BABAM2: variants seen among roughly 807,000 people sequenced by gnomAD.
BABAM2 encodes BRISC and BRCA1 A complex member 2.
A neutral mutation model predicts 54.7 loss-of-function variants in BABAM2; 31 were observed. The observed-to-expected ratio is 0.57, with a 90% CI of 0.43 to 0.77. BABAM2 has a LOEUF of 0.77. Ranked by LOEUF, BABAM2 falls within the 30% of genes least tolerant of loss-of-function variation. The pLI is 0.00. For missense variants in BABAM2, 364 were observed against 455.8 expected, an observed-to-expected ratio of 0.80 and a Z score of 1.83; for synonymous variants, 167 against 162.9, an observed-to-expected ratio of 1.03 and a Z score of -0.19.
At chr2:28,277,733 T>G (rs1240427760) in intron 10 of BABAM2, among the ~76,000 whole-genome samples, 1 of 152,190 alleles carries the variant, frequency 6.6e-6, no homozygotes, top group Non-Finnish European at 1.5e-5. Context: ...CTGGTCCTAT[T>G]GTTAAGGAGA....
At chr2:28,207,400 A>G (rs1678979803) in intron 7 of BABAM2, among the ~76,000 whole-genome samples, 1 of 151,938 alleles carries the variant, frequency 6.6e-6, no homozygotes, top group Admixed American at 6.6e-5. Flanking sequence ...AGCAGCAACA[A>G]CAACAACAAC....
intron 10 of BABAM2, among the ~76,000 whole-genome samples, chr2:28,291,831 C>T (rs765780017): frequency 5.9e-5 from 9 of 152,150 alleles, no homozygotes; most frequent in Non-Finnish European, 1.2e-4. Context: ...GTTAATTTTC[C>T]AGTGGTTGGA....
chr2:28,272,842 A>G (rs745316531), intron 10 of BABAM2, among the ~76,000 whole-genome samples: 28 of 152,054 alleles, frequency 1.8e-4, no homozygotes, highest in Non-Finnish European at 1.2e-4. Context: ...GGAGCTGGGG[A>G]AGGCTTGACA....
chr2:28,294,108 T>C (rs1037068272), intron 10 of BABAM2, among the ~76,000 whole-genome samples: 1 of 152,076 alleles, frequency 6.6e-6, no homozygotes, highest in Non-Finnish European at 1.5e-5. Flanking sequence ...TGGCCAGGCA[T>C]GGTGGCTCAT....
chr2:28,013,237 C>G (rs1674525040), intron 4 of BABAM2: 2 of 396,586 alleles, frequency 5.0e-6, no homozygotes, highest in South Asian at 3.7e-5. Context: ...TATGCCACCT[C>G]CAAAGATTCT....
intron 7 of BABAM2, among the ~76,000 whole-genome samples, chr2:28,226,384 CTT>C (rs1427032439): frequency 6.6e-6 from 1 of 152,080 alleles, no homozygotes; most frequent in Non-Finnish European, 1.5e-5. Flanking sequence ...ACTTCCATCT[CTT>C]TTTTATATTC....
intron 4 of BABAM2, among the ~76,000 whole-genome samples, chr2:28,020,387 T>G (rs187073361): frequency 6.6e-6 from 1 of 152,340 alleles, no homozygotes; most frequent in Admixed American, 6.5e-5. Context: ...TATATATGCA[T>G]ACATACATAT....
At chr2:28,066,761 AG>A (rs1333734374) in intron 6 of BABAM2, among the ~76,000 whole-genome samples, 2 of 152,216 alleles carry the variant, frequency 1.3e-5, no homozygotes, top group East Asian at 3.9e-4. Flanking sequence ...AAGCAATCCA[AG>A]GAAGAGTGAG....
intron 10 of BABAM2, among the ~76,000 whole-genome samples, chr2:28,268,594 A>C (rs924713404): frequency 6.6e-6 from 1 of 152,256 alleles, no homozygotes; most frequent in Non-Finnish European, 1.5e-5. Flanking sequence ...AGTCTTTATT[A>C]GTTCTAAGAA....
intron 10 of BABAM2, among the ~76,000 whole-genome samples, chr2:28,296,048 G>A (rs1031702508): frequency 6.6e-6 from 1 of 152,240 alleles, no homozygotes; most frequent in East Asian, 1.9e-4. Context: ...GGCAGAGGTT[G>A]CAGTGAGCTG....
chr2:27,922,027 C>T (rs1169032360), intron 2 of BABAM2, among the ~76,000 whole-genome samples: 1 of 152,084 alleles, frequency 6.6e-6, no homozygotes, highest in Non-Finnish European at 1.5e-5. Context: ...GAGTGTTCAC[C>T]TCCTGGATAT....
At chr2:28,049,766 T>C (rs187799186) in intron 6 of BABAM2, among the ~76,000 whole-genome samples, 1 of 152,352 alleles carries the variant, frequency 6.6e-6, no homozygotes, top group Admixed American at 6.5e-5. Context: ...TCAGGGTGTC[T>C]AGACTTGTTC....
At chr2:28,282,960 T>C (rs1386201885) in intron 10 of BABAM2, among the ~76,000 whole-genome samples, 2 of 116,050 alleles carry the variant, frequency 1.7e-5, no homozygotes, top group African/African-American at 3.4e-5. Context: ...ATCACACCAC[T>C]ACATTCCAGC....
At chr2:28,271,133 T>C (rs10203337) in intron 10 of BABAM2, among the ~76,000 whole-genome samples, 23,789 of 152,200 alleles carry the variant, frequency 0.16, 2,357 homozygotes, top group African/African-American at 0.28. Context: ...CAGTGGGATG[T>C]CTAAGGTGTT....
intron 7 of BABAM2, among the ~76,000 whole-genome samples, chr2:28,230,503 C>T (rs1681276380): frequency 6.6e-6 from 1 of 151,262 alleles, no homozygotes; most frequent in African/African-American, 2.4e-5. Flanking sequence ...TCACTTGAGC[C>T]TAGGAGTTCG....
rs76344388 is a variant in BABAM2 at position 28,103,301 on chromosome 2, TTTTTG to T, written c.571-25945_571-25941del. Among the ~76,000 whole-genome samples, 832 of 149,734 alleles carry T rather than the reference TTTTTG, an allele frequency of 5.6e-3. 4 individuals are homozygous for T. Among genetic ancestry groups the T allele is most frequent in the African/African-American group, 0.015 (592 of 40,534 alleles). Reference sequence around the variant, plus strand: ...GAGAGAATTCATTATTTACTTAGTATTTTTGTTTTGTTTTGTTTTGTTTTGTTTTT... The same window carrying T: ...GAGAGAATTCATTATTTACTTAGTATTTTTGTTTTGTTTTGTTTTGTTTTT... On this transcript the variant is annotated intron_variant, in intron 6 of 11. Coordinates refer to ENST00000379624, the MANE Select transcript of BABAM2 (RefSeq NM_199191.3).
chr2:28,327,466 C>G, intron 11 of BABAM2: 1 of 1,543,124 alleles, frequency 6.5e-7, no homozygotes, highest in South Asian at 1.2e-5. Context: ...TTAAAAATAC[C>G]CTGTGATTTA....
chr2:28,051,558 C>G (rs1165069795), intron 6 of BABAM2, among the ~76,000 whole-genome samples: 4 of 151,990 alleles, frequency 2.6e-5, no homozygotes. Context: ...TTGCACACAA[C>G]TGTGGAGAAA....
intron 3 of BABAM2, among the ~76,000 whole-genome samples, chr2:27,959,484 G>A (rs145934864): frequency 6.6e-6 from 1 of 152,060 alleles, no homozygotes; most frequent in East Asian, 1.9e-4. Context: ...AGGTTATCAG[G>A]AGTCTAATAT....
Sources: allele counts gnomAD v4.1 joint callset (sites outside exome capture counted in the v4.1 genomes callset), GRCh38; gene constraint gnomAD v4.1.1; transcripts MANE v1.5; gene names NCBI Gene and HGNC (gene_info 2026-07-23, HGNC 2026-07-21).